The following CTNNA3 variants were observed in gnomAD, a reference collection of about 807,000 sequenced individuals.
CTNNA3 encodes the protein catenin alpha 3, also known as catenin alpha-3.
In CTNNA3, 76 loss-of-function variants were observed where a neutral mutation model predicts 95.7. The ratio of observed to expected loss-of-function variants is 0.79; its 90% CI spans 0.66 to 0.96. The LOEUF (loss-of-function observed/expected upper bound fraction) is 0.96. Among genes scored for constraint, CTNNA3 ranks in the 40% least tolerant of loss-of-function variants. The pLI, the probability that CTNNA3 is intolerant of heterozygous loss-of-function variation, is 0.00. For missense variants in CTNNA3, 1,191 were observed against 1,089.8 expected (o/e 1.09, Z -1.31); for synonymous variants, 431 against 374.4 (o/e 1.15, Z -1.74).
intron 1 of CTNNA3, among the ~76,000 whole-genome samples, chr10:67,669,533 C>T (rs1446607702): frequency 1.3e-5 from 2 of 152,158 alleles, no homozygotes; most frequent in African/African-American, 4.8e-5. Context: ...TCACTTTACC[C>T]TCTTTGGCCT....
At chr10:66,748,486 C>A (rs1449421239) in intron 9 of CTNNA3, among the ~76,000 whole-genome samples, 1 of 151,964 alleles carries the variant, frequency 6.6e-6, no homozygotes, top group Non-Finnish European at 1.5e-5. Context: ...TAATTAATAT[C>A]CTGGAGTTTC....
chr10:66,217,315 T>A (rs972810971), intron 13 of CTNNA3, among the ~76,000 whole-genome samples: 1 of 146,942 alleles, frequency 6.8e-6, no homozygotes, highest in Non-Finnish European at 1.5e-5. Context: ...ATCACGCCAC[T>A]GCACTCTAGC....
intron 11 of CTNNA3, among the ~76,000 whole-genome samples, chr10:66,518,614 A>C (rs1840946251): frequency 6.6e-6 from 1 of 152,146 alleles, no homozygotes; most frequent in African/African-American, 2.4e-5. Flanking sequence ...AGAGCACATA[A>C]ATGAATAAGT....
chr10:66,309,527 A>C (rs2091978695), intron 12 of CTNNA3, among the ~76,000 whole-genome samples: 1 of 150,862 alleles, frequency 6.6e-6, no homozygotes, highest in Non-Finnish European at 1.5e-5. Context: ...CCCATCTACC[A>C]AAAATACAAA....
At chr10:67,643,237 C>A (rs2133470276) in intron 2 of CTNNA3, among the ~76,000 whole-genome samples, 1 of 152,188 alleles carries the variant, frequency 6.6e-6, no homozygotes, top group South Asian at 2.1e-4. Context: ...AACCAAACAC[C>A]ACATGTTCTC....
At chr10:67,067,156 A>C (rs1398164117) in intron 7 of CTNNA3, among the ~76,000 whole-genome samples, 1 of 152,214 alleles carries the variant, frequency 6.6e-6, no homozygotes, top group Non-Finnish European at 1.5e-5. Context: ...ATATGACATA[A>C]GCATGTCATA....
intron 7 of CTNNA3, among the ~76,000 whole-genome samples, chr10:67,108,755 C>T (rs1488675090): frequency 1.3e-5 from 2 of 152,138 alleles, no homozygotes; most frequent in Admixed American, 1.3e-4. Context: ...CTTTAGATGT[C>T]TGTGGATATT....
chr10:66,941,476 C>A (rs1847990524), intron 7 of CTNNA3, among the ~76,000 whole-genome samples: 1 of 152,050 alleles, frequency 6.6e-6, no homozygotes. Context: ...AGGTTAGAGT[C>A]CACTTTGAAC....
At position 66,258,850 on chromosome 10, in the gene CTNNA3, C is replaced by T. The variant is rs539847928; in HGVS notation, c.1884+21620G>A. The stretch of plus-strand genomic sequence containing the variant: ...CCCCTAGCTAAAAAAGGAGTCTGTG[C>T]GTTCATCAATAAAACATGTTCCACT... On this transcript the variant is annotated intron_variant, in intron 13 of 17. Transcript: ENST00000433211. Among the ~76,000 whole-genome samples, 13 of 152,224 alleles carry T rather than the reference C, an allele frequency of 8.5e-5. No homozygotes were observed. The South Asian group carries it at 2.7e-3, about 32-fold the overall frequency.
chr10:66,770,847 A>T (rs1298332420), intron 8 of CTNNA3, among the ~76,000 whole-genome samples: 7 of 40,576 alleles, frequency 1.7e-4, no homozygotes, highest in African/African-American at 1.1e-3. Context: ...TTAAATTTTA[A>T]TAAATTAACA....
At chr10:67,142,192 A>T (rs1860600360) in intron 7 of CTNNA3, among the ~76,000 whole-genome samples, 1 of 152,220 alleles carries the variant, frequency 6.6e-6, no homozygotes, top group Non-Finnish European at 1.5e-5. Flanking sequence ...AAGAGATATT[A>T]TTGGAGAACA....
chr10:66,448,909 A>G (rs2093443503), intron 11 of CTNNA3, among the ~76,000 whole-genome samples: 1 of 152,088 alleles, frequency 6.6e-6, no homozygotes, highest in South Asian at 2.1e-4. Context: ...ATCTGCTTTT[A>G]TATTCCTCAT....
intron 11 of CTNNA3, among the ~76,000 whole-genome samples, chr10:66,500,826 T>A (rs1351968052): frequency 6.6e-6 from 1 of 152,156 alleles, no homozygotes; most frequent in Non-Finnish European, 1.5e-5. Context: ...GATTAAATTA[T>A]AAGGTTATGG....
chr10:66,659,604 T>C (rs1172453292), intron 9 of CTNNA3, among the ~76,000 whole-genome samples: 2 of 152,168 alleles, frequency 1.3e-5, no homozygotes, highest in African/African-American at 2.4e-5. Flanking sequence ...TCCAAGGTGA[T>C]GGTATTAGGA....
At chr10:67,173,210 A>AG (rs35138855) in intron 7 of CTNNA3, among the ~76,000 whole-genome samples, 2 of 152,162 alleles carry the variant, frequency 1.3e-5, no homozygotes, top group Admixed American at 1.3e-4. Context: ...TTCCTTTATA[A>AG]GGGATTCCCT....
At chr10:66,324,232 A>G (rs770754773) in intron 12 of CTNNA3, among the ~76,000 whole-genome samples, 2 of 152,006 alleles carry the variant, frequency 1.3e-5, no homozygotes, top group Non-Finnish European at 2.9e-5. Context: ...AGGCAGAAGA[A>G]TTGTTTGAAC....
chr10:66,431,275 G>C (rs1175144823), intron 11 of CTNNA3, among the ~76,000 whole-genome samples: 1 of 152,144 alleles, frequency 6.6e-6, no homozygotes, highest in Non-Finnish European at 1.5e-5. Context: ...TGGAGAAATA[G>C]GAACACTTTT....
intron 14 of CTNNA3, chr10:66,078,906 C>T (rs1384505007): frequency 6.6e-6 from 1 of 151,788 alleles, no homozygotes; most frequent in African/African-American, 2.4e-5. Flanking sequence ...CTATTCAGTG[C>T]CCAGAAACTT....
At chr10:66,036,862 ATTTTTTTTTTTT>A (rs57081880) in intron 15 of CTNNA3, among the ~76,000 whole-genome samples, 1 of 95,702 alleles carries the variant, frequency 1.0e-5, no homozygotes, top group Non-Finnish European at 2.0e-5. Context: ...AGTAGTTCCA[ATTTTTTTTTTTT>A]TTTTTTTTTT....
Sources: gnomAD v4.1 joint callset for allele counts (sites outside exome capture counted in the v4.1 genomes callset) on GRCh38, gnomAD v4.1.1 for gene constraint, MANE v1.5 for transcripts, NCBI Gene and HGNC (gene_info 2026-07-23, HGNC 2026-07-21) for gene names.